Variants in ZFP91 observed in about 807,000 individuals in gnomAD.
ZFP91 encodes the protein ZFP91 zinc finger protein, atypical E3 ubiquitin ligase.
A neutral mutation model predicts 63.5 loss-of-function variants in ZFP91; 7 were observed. That is an observed-to-expected ratio of 0.11 (90% CI 0.06 to 0.21). ZFP91 has a LOEUF of 0.21. Among genes scored for constraint, ZFP91 ranks in the 10% least tolerant of loss-of-function variants. The pLI, the probability that ZFP91 is intolerant of heterozygous loss-of-function variation, is 1.00. For missense variants in ZFP91, 628 were observed against 736.6 expected (o/e 0.85, Z 1.71); for synonymous variants, 330 against 272.1 (o/e 1.21, Z -2.10).
At chr11:58,600,222 A>G (rs572089596) in intron 2 of ZFP91, among the ~76,000 whole-genome samples, 1 of 151,672 alleles carries the variant, frequency 6.6e-6, no homozygotes, top group Non-Finnish European at 1.5e-5. Context: ...ATTTCTACCA[A>G]AAAGGAAGCT....
At chr11:58,592,076 C>T (rs1216804520) in intron 2 of ZFP91, among the ~76,000 whole-genome samples, 2 of 142,324 alleles carry the variant, frequency 1.4e-5, no homozygotes, top group Non-Finnish European at 3.1e-5. Context: ...CCCCTGAGCA[C>T]ATCTTTTTTT....
intron 2 of ZFP91, among the ~76,000 whole-genome samples, chr11:58,601,883 A>C (rs1399445089): frequency 6.6e-6 from 1 of 152,148 alleles, no homozygotes; most frequent in Admixed American, 6.5e-5. Flanking sequence ...ATATGACTGC[A>C]GCCATTTGAA....
Position 58,618,926 on chromosome 11 carries a change from A to G in ZFP91, c.*1220A>G, listed in dbSNP as rs1303329991. 3 of 209,622 alleles carry G rather than the reference A, an allele frequency of 1.4e-5. No homozygotes were observed. Among genetic ancestry groups the G allele is most frequent in the Non-Finnish European group, 2.9e-5 (3 of 102,812 alleles). The allele number at this position is 209,622 out of a possible 1,614,324, so 13.0% of individuals were successfully genotyped here. A position where few individuals can be genotyped will look rare whatever the true frequency, so the allele number is the denominator to read the frequency against. On this transcript the variant is annotated 3_prime_UTR_variant, in exon 11 of 11. Coordinates refer to ENST00000316059, the MANE Select transcript of ZFP91 (RefSeq NM_053023.5). ...TCAGAATCTAAATTACAGATAGATG[A>G]TTGTTTCTTGTGAATTTGTTTCTTT...
chr11:58,579,770 G>A, intron 1 of ZFP91, 148 bp downstream of exon 1: 1 of 744,246 alleles, frequency 1.3e-6, no homozygotes, highest in South Asian at 2.2e-5. Context: ...GTTTCCCCGG[G>A]AGCCTTCGTG....
intron 7 of ZFP91, 107 bp from the exon 8 acceptor site, chr11:58,612,654 TC>T: frequency 1.2e-6 from 1 of 820,342 alleles, no homozygotes; most frequent in Non-Finnish European, 2.0e-6. Context: ...TTTTAATTCT[TC>T]CTACTATAAA....
rs1855039391 is a variant in ZFP91 at position 58,579,325 on chromosome 11, A to G, written c.44A>G (p.Asp15Gly). Residue 15 changes from aspartate to glycine, a missense_variant, in exon 1 of 11, where the codon GAC becomes GGC. Physicochemically the swap from Asp to Gly is moderately conservative, Grantham distance 94. Around this residue, in one of 3 missense-constraint regions of ZFP91, gnomAD observed 437 missense variants for 380.3 expected, o/e 1.15. Transcript: ENST00000316059. ...TEEPRPPEQQDQEGGEAAKAA... is the reference protein window; with the variant it reads ...TEEPRPPEQQGQEGGEAAKAA... Reference sequence around the variant, plus strand: ...GAGCCGAGACCCCCGGAGCAGCAGGACCAGGAAGGGGGAGAGGCGGCCAAG... The same window carrying G: ...GAGCCGAGACCCCCGGAGCAGCAGGGCCAGGAAGGGGGAGAGGCGGCCAAG... The G allele has an allele frequency of 6.7e-7, 1 of 1,493,988 alleles. No homozygotes were observed. Among genetic ancestry groups the G allele is most frequent in the Admixed American group, 2.3e-5 (1 of 43,256 alleles). The allele number at this position is 1,493,988 out of a possible 1,614,324, so 92.5% of individuals were successfully genotyped here.
rs549151610 is a variant in ZFP91, at chr11:58,605,859, T to C, written c.371-3971T>C. ...TTCTCCTCTCCTTCTGCAAATCTTATTATGCATCTGTTGGCATGCTTAATG... is the reference window on the plus strand; with the variant it reads ...TTCTCCTCTCCTTCTGCAAATCTTACTATGCATCTGTTGGCATGCTTAATG... On this transcript the variant is annotated intron_variant, in intron 2 of 10. Coordinates refer to ENST00000316059, the MANE Select transcript of ZFP91 (RefSeq NM_053023.5). 1.8e-4 allele frequency among the ~76,000 whole-genome samples: 27 copies of C among 152,318 alleles called. No individual in the cohort carries two copies. In the South Asian group the frequency reaches 5.2e-3, roughly 29 times the overall value.
chr11:58,591,153 A>G (rs1313426695), intron 2 of ZFP91, among the ~76,000 whole-genome samples: 1 of 152,192 alleles, frequency 6.6e-6, no homozygotes, highest in African/African-American at 2.4e-5. Flanking sequence ...ACCGCCCCCA[A>G]GTGTAACCAC....
rs7928361 is a variant in ZFP91 at position 58,593,142 on chromosome 11, A to T, written c.370+8258A>T. On this transcript the variant is annotated intron_variant, in intron 2 of 10. Transcript: ENST00000316059. ...AACATGAGATTTGAAGAGGACAAAC[A>T]TCCAAACTATATCACACTGCACGGT... 6.1e-3 allele frequency among the ~76,000 whole-genome samples: 933 copies of T among 152,322 alleles called. 11 individuals carry two copies. Among genetic ancestry groups the T allele is most frequent in the African/African-American group, 0.021 (892 of 41,562 alleles).
intron 2 of ZFP91, among the ~76,000 whole-genome samples, chr11:58,594,068 G>A (rs1459726935): frequency 6.6e-6 from 1 of 152,138 alleles, no homozygotes; most frequent in Non-Finnish European, 1.5e-5. Context: ...CTAGCCTGCA[G>A]CCAACATGAA....
Position 58,617,830 on chromosome 11 carries a change from G to A in ZFP91, c.*124G>A. 7.5e-7 allele frequency: 1 copy of A among 1,336,990 alleles called. No individual in the cohort carries two copies. The highest frequency in any genetic ancestry group is 9.8e-7 in the Non-Finnish European group (1 of 1,024,392). The allele number at this position is 1,336,990 out of a possible 1,614,324, so 82.8% of individuals were successfully genotyped here. A position where few individuals can be genotyped will look rare whatever the true frequency, so the allele number is the denominator to read the frequency against. On this transcript the variant is annotated 3_prime_UTR_variant, in exon 11 of 11. Coordinates refer to ENST00000316059, the MANE Select transcript of ZFP91 (RefSeq NM_053023.5). This position sits in a 1 kb window ranked among gnomAD's most constrained non-coding sequence, Gnocchi z 4.2. ...AACTGAAGGGCCTGCTCTTTCCATT[G>A]TGGATCACAGCACACACATACATAC...
intron 2 of ZFP91, among the ~76,000 whole-genome samples, chr11:58,607,409 A>G (rs1590625524): frequency 6.6e-6 from 1 of 152,140 alleles, no homozygotes; most frequent in Non-Finnish European, 1.5e-5. Context: ...GTAAAACGTA[A>G]TGGATTGTGC....
At chr11:58,580,059 C>G (rs1303101977) in intron 1 of ZFP91, among the ~76,000 whole-genome samples, 1 of 151,548 alleles carries the variant, frequency 6.6e-6, no homozygotes, top group Non-Finnish European at 1.5e-5. Flanking sequence ...TTCGCGTTAG[C>G]TCAAGAGCCA....
At chr11:58,602,779 C>T (rs1016191518) in intron 2 of ZFP91, among the ~76,000 whole-genome samples, 1 of 152,084 alleles carries the variant, frequency 6.6e-6, no homozygotes, top group Admixed American at 6.5e-5. Flanking sequence ...GAAAAAGTAC[C>T]TAAAAATGTT....
intron 1 of ZFP91, among the ~76,000 whole-genome samples, chr11:58,581,403 A>G (rs1484321882): frequency 6.6e-6 from 1 of 152,138 alleles, no homozygotes; most frequent in African/African-American, 2.4e-5. Context: ...TCTGTTGCCC[A>G]GGCTGGAGCA....
At chr11:58,579,729 C>T (rs1359164518) in intron 1 of ZFP91, 107 bp downstream of exon 1, 2 of 1,101,444 alleles carry the variant, frequency 1.8e-6, no homozygotes, top group Non-Finnish European at 2.4e-6. Flanking sequence ...TGGTCTGCCC[C>T]CTGCCGGCTC....
intron 1 of ZFP91, 60 bp downstream of exon 1, chr11:58,579,682 CG>C: frequency 7.0e-7 from 1 of 1,429,784 alleles, no homozygotes; most frequent in Non-Finnish European, 9.2e-7. Flanking sequence ...GCAACCCTCT[CG>C]GCTCCCGTAG....
chr11:58,596,199 G>T (rs569328639), intron 2 of ZFP91, among the ~76,000 whole-genome samples: 5 of 152,174 alleles, frequency 3.3e-5, no homozygotes, highest in Admixed American at 3.3e-4. Context: ...TATTCATTAA[G>T]TGTAAGTGGA....
At chr11:58,601,087 G>T (rs916600835) in intron 2 of ZFP91, among the ~76,000 whole-genome samples, 15 of 152,150 alleles carry the variant, frequency 9.9e-5, no homozygotes, top group African/African-American at 3.1e-4. Flanking sequence ...TGGTGTCTTT[G>T]TCTGGCTTTG....
Sources: gnomAD v4.1 joint callset for allele counts (sites outside exome capture counted in the v4.1 genomes callset) on GRCh38, gnomAD v4.1.1 for gene constraint, gnomAD v4.1.1 regional missense constraint, Gnocchi (gnomAD v3.1) non-coding constraint, MANE v1.5 for transcripts, NCBI Gene and HGNC (gene_info 2026-07-23, HGNC 2026-07-21) for gene names.